MAPK10: variants seen among roughly 807,000 people sequenced by gnomAD.
The protein encoded by MAPK10 is mitogen-activated protein kinase 10, also known as JNK3 alpha protein kinase.
A neutral mutation model predicts 59.3 loss-of-function variants in MAPK10; 25 were observed. That is an observed-to-expected ratio of 0.42 (90% confidence interval 0.31 to 0.59). MAPK10 has a LOEUF of 0.59. Ranked by LOEUF, MAPK10 falls within the 20% of genes least tolerant of loss-of-function variation. The pLI, the probability that MAPK10 is intolerant of heterozygous loss-of-function variation, is 0.15. For synonymous variants in MAPK10, 190 were observed against 200.5 expected (o/e 0.95, Z 0.44); for missense variants, 351 against 568.9 (o/e 0.62, Z 3.90).
At chr4:86,287,575 G>T (rs1419498055) in intron 2 of MAPK10, among the ~76,000 whole-genome samples, 3 of 152,192 alleles carry the variant, frequency 2.0e-5, no homozygotes, top group Non-Finnish European at 4.4e-5. Flanking sequence ...AATCTCAAGA[G>T]AGTTGTGACT....
chr4:86,109,047 T>C (rs754169459), intron 4 of MAPK10, among the ~76,000 whole-genome samples: 5 of 152,190 alleles, frequency 3.3e-5, no homozygotes, highest in Admixed American at 6.6e-5. Context: ...TTGTGCTAAA[T>C]AAACATTGCT....
intron 3 of MAPK10, among the ~76,000 whole-genome samples, chr4:86,187,782 C>T (rs12511499): frequency 0.085 from 12,925 of 151,970 alleles, 1,221 homozygotes; most frequent in African/African-American, 0.23. Flanking sequence ...TTTTTAAAAA[C>T]TTATACTTTA....
At chr4:86,336,471 C>T (rs1232600874) in intron 2 of MAPK10, 3 of 152,198 alleles carry the variant, frequency 2.0e-5, no homozygotes, top group Admixed American at 1.3e-4. Context: ...ACAGTCTTAT[C>T]CAGGAATTCC....
At chr4:86,328,399 C>G (rs9654157) in intron 2 of MAPK10, among the ~76,000 whole-genome samples, 111,835 of 152,136 alleles carry the variant, frequency 0.74, 41,611 homozygotes, top group South Asian at 0.9. Context: ...TTACACTGTT[C>G]GTGGGAATGT....
At chr4:86,092,282 C>CACT (rs2053384149) in intron 9 of MAPK10, among the ~76,000 whole-genome samples, 1 of 152,092 alleles carries the variant, frequency 6.6e-6, no homozygotes, top group African/African-American at 2.4e-5. Flanking sequence ...ACTCACCATT[C>CACT]ACTATTCCTA....
intron 4 of MAPK10, among the ~76,000 whole-genome samples, chr4:86,142,572 C>T (rs540888225): frequency 6.6e-6 from 1 of 152,236 alleles, no homozygotes; most frequent in South Asian, 2.1e-4. Context: ...TTTCATTTGT[C>T]ATATAAATTA....
At chr4:86,145,509 T>A (rs1229071036) in intron 4 of MAPK10, among the ~76,000 whole-genome samples, 1 of 152,192 alleles carries the variant, frequency 6.6e-6, no homozygotes, top group Non-Finnish European at 1.5e-5. Context: ...GAATTACTGC[T>A]TCTTTTCAAA....
intron 1 of MAPK10, among the ~76,000 whole-genome samples, chr4:86,526,766 A>G (rs1333967948): frequency 6.6e-6 from 1 of 152,128 alleles, no homozygotes; most frequent in Non-Finnish European, 1.5e-5. Flanking sequence ...AGTATACTGT[A>G]TCTCTATTTT....
intron 2 of MAPK10, among the ~76,000 whole-genome samples, chr4:86,301,138 C>A (rs1441639231): frequency 6.6e-6 from 1 of 152,042 alleles, no homozygotes; most frequent in African/African-American, 2.4e-5. Context: ...GCACTCTCTG[C>A]CAACCAAAAA....
chr4:86,541,125 T>G (rs1758659322), intron 1 of MAPK10, among the ~76,000 whole-genome samples: 1 of 152,028 alleles, frequency 6.6e-6, no homozygotes, highest in Admixed American at 6.6e-5. Flanking sequence ...CATGGGGCAT[T>G]CTTGAAATCT....
At chr4:86,283,065 A>G (rs1427139315) in intron 2 of MAPK10, among the ~76,000 whole-genome samples, 1 of 152,166 alleles carries the variant, frequency 6.6e-6, no homozygotes, top group Non-Finnish European at 1.5e-5. Flanking sequence ...TAAAAACACT[A>G]TTTTGTTCTT....
At chr4:86,267,924 C>T (rs776041447) in intron 2 of MAPK10, among the ~76,000 whole-genome samples, 1 of 152,100 alleles carries the variant, frequency 6.6e-6, no homozygotes, top group Non-Finnish European at 1.5e-5. Flanking sequence ...CATTACTTGG[C>T]TCGCTCTATT....
intron 1 of MAPK10, among the ~76,000 whole-genome samples, chr4:86,419,290 T>A (rs1254502612): frequency 6.6e-6 from 1 of 152,236 alleles, no homozygotes; most frequent in Non-Finnish European, 1.5e-5. Flanking sequence ...TTTGCTTTCC[T>A]TCTTCTTTTG....
chr4:86,454,703 A>C (rs1751078939), upstream of MAPK10, among the ~76,000 whole-genome samples: 1 of 152,200 alleles, frequency 6.6e-6, no homozygotes, highest in Non-Finnish European at 1.5e-5. Flanking sequence ...TGGCAACTAT[A>C]TTTGGGGGAT....
chr4:86,295,512 G>C (rs945709874), intron 2 of MAPK10, among the ~76,000 whole-genome samples: 2 of 151,880 alleles, frequency 1.3e-5, no homozygotes, highest in African/African-American at 2.4e-5. Context: ...TTTTTGTTCT[G>C]TGTTCACTGC....
chr4:86,459,399 T>C (rs2149060352), intron 1 of MAPK10, among the ~76,000 whole-genome samples: 1 of 152,356 alleles, frequency 6.6e-6, no homozygotes, highest in East Asian at 1.9e-4. Flanking sequence ...GCAATCCCAC[T>C]ACTGGGTATC....
Position 86,047,901 on chromosome 4 carries a change from G to A in MAPK10, c.1110+16365C>T, listed in dbSNP as rs1182239415. Among the ~76,000 whole-genome samples the A allele has an allele frequency of 2.0e-5, 3 of 152,190 alleles. No homozygotes were observed. In the East Asian group the frequency reaches 5.8e-4, roughly 29 times the overall value. ...GGCATTCTGCAGAATGGACCACAAG[G>A]GACAAGAGTGGTGCTGAGAGATAAG... is the stretch of plus-strand genomic sequence containing the variant. On this transcript the variant is annotated intron_variant, in intron 11 of 13. Transcript: ENST00000641462.
intron 11 of MAPK10, among the ~76,000 whole-genome samples, chr4:86,051,076 T>C (rs2043425290): frequency 6.6e-6 from 1 of 152,176 alleles, no homozygotes; most frequent in Admixed American, 6.6e-5. Context: ...CATGTTGTTT[T>C]ACATACATTA....
Position 86,548,347 on chromosome 4 carries a change from G to A in MAPK10, c.-263+45563C>T, listed in dbSNP as rs190984994. 1.7e-3 allele frequency among the ~76,000 whole-genome samples: 252 copies of A among 152,128 alleles called. 2 individuals are homozygous for A. Among genetic ancestry groups the A allele is most frequent in the Admixed American group, 0.015 (231 of 15,266 alleles). ...CCGAACATCAGAACGAACAAACTCCGGACATGCCACCTTTAAGAACTGTAA... is the reference window on the plus strand; with the variant it reads ...CCGAACATCAGAACGAACAAACTCCAGACATGCCACCTTTAAGAACTGTAA... On this transcript the variant is annotated intron_variant, in intron 1 of 4. Coordinates refer to the MAPK10 transcript ENST00000502302.
Sources: allele counts gnomAD v4.1 joint callset (sites outside exome capture counted in the v4.1 genomes callset), GRCh38; gene constraint gnomAD v4.1.1; transcripts MANE v1.5; gene names NCBI Gene and HGNC (gene_info 2026-07-23, HGNC 2026-07-21).